The following TXNDC16 variants were observed in gnomAD, a reference collection of about 807,000 sequenced individuals.
The protein encoded by TXNDC16 is thioredoxin domain-containing protein 16.
In TXNDC16, 74 loss-of-function variants were observed where a neutral mutation model predicts 85.6. That is an observed-to-expected ratio of 0.86 (90% confidence interval 0.72 to 1.05). The LOEUF is 1.05. Among genes scored for constraint, TXNDC16 ranks in the 50% least tolerant of loss-of-function variants. The pLI is 0.00. For synonymous variants in TXNDC16, 335 were observed against 326.5 expected (o/e 1.03, Z -0.28); for missense variants, 959 against 947.0 (o/e 1.01, Z -0.17).
At chr14:52,473,799 C>T (rs2035959803) in intron 14 of TXNDC16, among the ~76,000 whole-genome samples, 1 of 152,258 alleles carries the variant, frequency 6.6e-6, no homozygotes, top group South Asian at 2.1e-4. Flanking sequence ...GAGTAAAAAA[C>T]ATTCTTCATT....
intron 12 of TXNDC16, 122 bp from the exon 13 acceptor site, chr14:52,483,087 T>TATTAAGA: frequency 1.3e-6 from 1 of 793,456 alleles, no homozygotes; most frequent in Non-Finnish European, 1.8e-6. Flanking sequence ...TCATCCTATC[T>TATTAAGA]TAATAGTTAG....
chr14:52,436,254 C>T (rs554324040), intron 20 of TXNDC16, among the ~76,000 whole-genome samples: 2 of 152,320 alleles, frequency 1.3e-5, no homozygotes, highest in South Asian at 4.1e-4. Flanking sequence ...GAATGAACTA[C>T]TGGTTCATGC....
intron 9 of TXNDC16, among the ~76,000 whole-genome samples, chr14:52,499,242 T>G (rs2036601598): frequency 2.6e-5 from 4 of 151,936 alleles, no homozygotes; most frequent in African/African-American, 9.7e-5. Context: ...GGGGGAAAAG[T>G]TTCATGACAT....
At chr14:52,483,487 T>C (rs906043411) in intron 12 of TXNDC16, among the ~76,000 whole-genome samples, 6 of 152,200 alleles carry the variant, frequency 3.9e-5, no homozygotes, top group African/African-American at 1.4e-4. Context: ...AAGAATGTTT[T>C]AGACAAAGAC....
chr14:52,476,521 C>G (rs1354540177), intron 14 of TXNDC16, among the ~76,000 whole-genome samples: 1 of 151,882 alleles, frequency 6.6e-6, no homozygotes, highest in Non-Finnish European at 1.5e-5. Context: ...ACAATAGACG[C>G]ACTTATAGAA....
Position 52,537,641 on chromosome 14 carries a change from T to C in TXNDC16, c.275A>G (p.Tyr92Cys), listed in dbSNP as rs2037733447. The stretch of plus-strand genomic sequence containing the variant: ...CATCAAATCCTTTTCTTTTCCACAG[T>C]ATCTTGATATTTCTTCTTTGACACA... Reference protein sequence around the residue: ...VNCVKEEISRYCGKEKDLMKA... With the variant: ...VNCVKEEISRCCGKEKDLMKA... Residue 92 changes from tyrosine (Y) to cysteine (C), a missense_variant, in exon 5 of 21, where the codon TAC becomes TGC. Transcript: ENST00000281741. 1 of 1,592,150 alleles carries C rather than the reference T, an allele frequency of 6.3e-7. No individual in the cohort carries two copies. Among genetic ancestry groups the C allele is most frequent in the Admixed American group, 1.7e-5 (1 of 59,850 alleles).
intron 9 of TXNDC16, among the ~76,000 whole-genome samples, chr14:52,494,896 T>A (rs780504728): frequency 6.6e-6 from 1 of 152,094 alleles, no homozygotes; most frequent in Non-Finnish European, 1.5e-5. Flanking sequence ...AAAGAACCAG[T>A]GGTGGTGAAG....
At chr14:52,537,783 G>A (rs953768625) in intron 4 of TXNDC16, 111 bp from the exon 5 acceptor site, 22 of 647,064 alleles carry the variant, frequency 3.4e-5, no homozygotes, top group Non-Finnish European at 5.6e-5. Context: ...GTCAAATTTT[G>A]TATTTTATGT....
chr14:52,493,193 CTATATA>C (rs555994196), intron 9 of TXNDC16, among the ~76,000 whole-genome samples: 4 of 126,126 alleles, frequency 3.2e-5, no homozygotes, highest in East Asian at 2.3e-4. Flanking sequence ...TGTCACTGTT[CTATATA>C]TATATATATA....
chr14:52,536,692 A>C, intron 6 of TXNDC16, 27 bp downstream of exon 6: 2 of 1,558,956 alleles, frequency 1.3e-6, no homozygotes, highest in South Asian at 2.4e-5. Flanking sequence ...ACAAGTAAAC[A>C]AATGAATGTG....
intron 1 of TXNDC16, among the ~76,000 whole-genome samples, chr14:52,551,338 A>G (rs910764894): frequency 6.6e-6 from 1 of 151,476 alleles, no homozygotes; most frequent in African/African-American, 2.4e-5. Flanking sequence ...TCAGCCGGGC[A>G]TGGTGGCTCC....
intron 16 of TXNDC16, among the ~76,000 whole-genome samples, chr14:52,464,659 C>T (rs1008955789): frequency 1.3e-5 from 2 of 152,042 alleles, no homozygotes; most frequent in African/African-American, 2.4e-5. Context: ...AGGCCAGGTG[C>T]GGTGGCTCAC....
intron 18 of TXNDC16, among the ~76,000 whole-genome samples, chr14:52,445,959 CAA>C (rs1165258273): frequency 2.6e-5 from 4 of 152,134 alleles, no homozygotes; most frequent in African/African-American, 9.7e-5. Context: ...TTTCATAAGA[CAA>C]TATTTTTTTC....
At chr14:52,495,011 C>G (rs998070518) in intron 9 of TXNDC16, among the ~76,000 whole-genome samples, 1 of 152,156 alleles carries the variant, frequency 6.6e-6, no homozygotes, top group African/African-American at 2.4e-5. Flanking sequence ...CCTGAAAATT[C>G]AGATTTGAGA....
chr14:52,463,082 T>A, intron 16 of TXNDC16: 1 of 429,596 alleles, frequency 2.3e-6, no homozygotes, highest in South Asian at 1.7e-5. Context: ...TCAGTTTCTG[T>A]CTGATTCAGA....
At chr14:52,443,276 G>A (rs1477841170) in intron 18 of TXNDC16, among the ~76,000 whole-genome samples, 1 of 152,114 alleles carries the variant, frequency 6.6e-6, no homozygotes, top group Non-Finnish European at 1.5e-5. Context: ...TCCTGCCCTC[G>A]AACATCAGAC....
chr14:52,519,111 G>C, intron 7 of TXNDC16, 61 bp downstream of exon 7: 9 of 1,480,750 alleles, frequency 6.1e-6, no homozygotes, highest in Non-Finnish European at 8.2e-6. Context: ...ACTATTTTAA[G>C]TACTTCAACA....
chr14:52,516,420 T>C (rs972779260), intron 7 of TXNDC16, among the ~76,000 whole-genome samples: 1 of 152,186 alleles, frequency 6.6e-6, no homozygotes, highest in African/African-American at 2.4e-5. Context: ...CTGCTCCATT[T>C]CCTTCCATTT....
rs368046478 is a variant in TXNDC16, at chr14:52,499,023, A to G, written c.757-8018T>C. On this transcript the variant is annotated intron_variant, in intron 9 of 20. Transcript: ENST00000281741. Reference sequence around the variant, plus strand: ...AGAGCCCACAAATAAACCTTCATGTATATGTTCAAATGATCTTTGACAAGG... The same window carrying G: ...AGAGCCCACAAATAAACCTTCATGTGTATGTTCAAATGATCTTTGACAAGG... 2.4e-4 allele frequency among the ~76,000 whole-genome samples: 36 copies of G among 152,278 alleles called. 1 individual carries two copies. Among genetic ancestry groups the G allele is most frequent in the African/African-American group, 8.2e-4 (34 of 41,586 alleles).
Sources: allele counts gnomAD v4.1 joint callset (sites outside exome capture counted in the v4.1 genomes callset), GRCh38; gene constraint gnomAD v4.1.1; transcripts MANE v1.5; gene names NCBI Gene and HGNC (gene_info 2026-07-23, HGNC 2026-07-21).